The following IGSF11 variants were observed in gnomAD, a reference collection of about 807,000 sequenced individuals.
The protein encoded by IGSF11 is immunoglobulin superfamily member 11.
IGSF11 carries 22 observed loss-of-function variants against 41.0 expected under a neutral mutation model. The observed-to-expected ratio is 0.54, with a 90% CI of 0.38 to 0.77. IGSF11 has a LOEUF of 0.77. Among genes scored for constraint, IGSF11 ranks in the 30% least tolerant of loss-of-function variants. The probability of loss-of-function intolerance (pLI) is 0.00; values close to 1 mark genes in which losing one functional copy is unlikely to be tolerated. For missense variants in IGSF11, 444 were observed against 530.8 expected (o/e 0.84, Z 1.61); for synonymous variants, 219 against 201.3 (o/e 1.09, Z -0.74).
chr3:118,997,280 G>A (rs1296658146), intron 1 of IGSF11, among the ~76,000 whole-genome samples: 1 of 152,166 alleles, frequency 6.6e-6, no homozygotes. Context: ...ACAGGACTAA[G>A]ACTATTTTAG....
At chr3:119,092,976 G>A (rs1156281979) in intron 1 of IGSF11, among the ~76,000 whole-genome samples, 8 of 152,120 alleles carry the variant, frequency 5.3e-5, no homozygotes, top group African/African-American at 1.9e-4. Flanking sequence ...GTGTATGGTA[G>A]ACTATCCCAT....
At chr3:118,933,444 C>G (rs956624600) in intron 1 of IGSF11, among the ~76,000 whole-genome samples, 1 of 141,728 alleles carries the variant, frequency 7.1e-6, no homozygotes, top group Non-Finnish European at 1.5e-5. Context: ...CCACATTAAG[C>G]TCTCTCTACA....
In IGSF11 at chr3:119,029,391, C is replaced by T. The variant is rs113632966; in HGVS notation, c.52+5140G>A. Among the ~76,000 whole-genome samples the T allele has an allele frequency of 2.5e-3, 378 of 152,086 alleles. 3 individuals carry two copies. Among genetic ancestry groups the T allele is most frequent in the African/African-American group, 7.5e-3 (313 of 41,472 alleles). ...GGAAAATATTAGCATATAACTATGCCCACACTCCCACATACCCCACCAATG... is the reference window on the plus strand; with the variant it reads ...GGAAAATATTAGCATATAACTATGCTCACACTCCCACATACCCCACCAATG... On this transcript the variant is annotated intron_variant, in intron 1 of 6. Transcript: ENST00000393775.
upstream of IGSF11, among the ~76,000 whole-genome samples, chr3:119,106,168 C>T (rs982437206): frequency 2.0e-5 from 3 of 152,132 alleles, no homozygotes; most frequent in Non-Finnish European, 4.4e-5. Context: ...TGGTAGATGG[C>T]ATATCCATCA....
At chr3:119,059,450 G>A (rs1941984013) in intron 1 of IGSF11, among the ~76,000 whole-genome samples, 1 of 152,064 alleles carries the variant, frequency 6.6e-6, no homozygotes, top group Non-Finnish European at 1.5e-5. Flanking sequence ...GTACACATTG[G>A]GTTCAGTGTA....
At chr3:119,074,314 T>C (rs1478405029) in intron 1 of IGSF11, among the ~76,000 whole-genome samples, 1 of 151,962 alleles carries the variant, frequency 6.6e-6, no homozygotes, top group Non-Finnish European at 1.5e-5. Flanking sequence ...ACCAACTACA[T>C]TCATGGACCA....
chr3:119,047,016 C>G (rs1350187093), intron 1 of IGSF11, among the ~76,000 whole-genome samples: 5 of 145,542 alleles, frequency 3.4e-5, no homozygotes, highest in Admixed American at 2.1e-4. Flanking sequence ...TGGAAAGGAA[C>G]AACCGGTACC....
intron 1 of IGSF11, among the ~76,000 whole-genome samples, chr3:119,083,775 T>C (rs745538638): frequency 5.3e-5 from 8 of 152,224 alleles, no homozygotes; most frequent in Non-Finnish European, 1.0e-4. Context: ...GTACACAGTA[T>C]TTGCTAATGA....
At chr3:119,011,689 CG>C (rs1406597596) in intron 1 of IGSF11, among the ~76,000 whole-genome samples, 2 of 152,104 alleles carry the variant, frequency 1.3e-5, no homozygotes, top group African/African-American at 4.8e-5. Context: ...AGACTCAAGG[CG>C]GCCTGAAATT....
chr3:119,110,806 C>T (rs1342476188), intron 1 of IGSF11, among the ~76,000 whole-genome samples: 2 of 151,642 alleles, frequency 1.3e-5, no homozygotes, highest in African/African-American at 2.4e-5. Flanking sequence ...AATCTCTCAG[C>T]ATTTGCTTGT....
intron 1 of IGSF11, among the ~76,000 whole-genome samples, chr3:118,992,867 G>C (rs1040524297): frequency 1.3e-5 from 2 of 152,166 alleles, no homozygotes; most frequent in Admixed American, 1.3e-4. Flanking sequence ...TGAAAAGAGA[G>C]CCAACAGAAT....
At chr3:119,042,184 GGCAAAGAA>G (rs1941141831) in intron 1 of IGSF11, among the ~76,000 whole-genome samples, 1 of 152,214 alleles carries the variant, frequency 6.6e-6, no homozygotes, top group South Asian at 2.1e-4. Flanking sequence ...GCCCACTGAA[GGCAAAGAA>G]GCCATTCCTG....
At chr3:119,084,789 C>T (rs1031683665) in intron 1 of IGSF11, among the ~76,000 whole-genome samples, 1 of 152,198 alleles carries the variant, frequency 6.6e-6, no homozygotes, top group African/African-American at 2.4e-5. Context: ...TCAGTGCACC[C>T]AGAACCCAGT....
rs1576826264 is a variant in IGSF11 at position 119,121,925 on chromosome 3, G to A, written c.-13-16720C>T. Among the ~76,000 whole-genome samples, 4 of 152,160 alleles carry A rather than the reference G, an allele frequency of 2.6e-5. No individual in the cohort carries two copies. The East Asian group carries it at 7.7e-4, about 29-fold the overall frequency. ...GGATAAGATCTTCAAAGTGTTAAAAGAAAATGACAGTCAACTAAGAATTCT... is the reference window on the plus strand; with the variant it reads ...GGATAAGATCTTCAAAGTGTTAAAAAAAAATGACAGTCAACTAAGAATTCT... On this transcript the variant is annotated intron_variant, in intron 1 of 7. Coordinates refer to the IGSF11 transcript ENST00000425327.
intron 1 of IGSF11, among the ~76,000 whole-genome samples, chr3:119,055,246 C>T (rs1941782065): frequency 6.6e-6 from 1 of 152,128 alleles, no homozygotes; most frequent in Admixed American, 6.5e-5. Flanking sequence ...ACAGAAAAAC[C>T]AGAAACTCTA....
At chr3:119,133,516 C>T (rs988948294) in intron 1 of IGSF11, among the ~76,000 whole-genome samples, 1 of 152,074 alleles carries the variant, frequency 6.6e-6, no homozygotes, top group African/African-American at 2.4e-5. Context: ...CAAGAATAAA[C>T]CAGGAAGAAG....
chr3:119,054,915 G>T (rs984954663), intron 1 of IGSF11, among the ~76,000 whole-genome samples: 6 of 152,164 alleles, frequency 3.9e-5, no homozygotes, highest in South Asian at 2.1e-4. Context: ...TAGCCTAACT[G>T]GGAGGCACCC....
chr3:119,132,348 T>C (rs1477100164), intron 1 of IGSF11, among the ~76,000 whole-genome samples: 1 of 87,112 alleles, frequency 1.1e-5, no homozygotes, highest in African/African-American at 4.6e-5. Flanking sequence ...AATAAAGGGA[T>C]GGAGGAAGGT....
At chr3:118,956,564 C>A (rs1027074086) in intron 1 of IGSF11, among the ~76,000 whole-genome samples, 1 of 152,174 alleles carries the variant, frequency 6.6e-6, no homozygotes, top group African/African-American at 2.4e-5. Context: ...GGGAGAAAGA[C>A]AGGCAAACAG....
Sources: gnomAD v4.1 joint callset for allele counts (sites outside exome capture counted in the v4.1 genomes callset) on GRCh38, gnomAD v4.1.1 for gene constraint, MANE v1.5 for transcripts, NCBI Gene and HGNC (gene_info 2026-07-23, HGNC 2026-07-21) for gene names.